The following PEX5L variants were observed in gnomAD, a reference collection of about 807,000 sequenced individuals.
PEX5L encodes the protein peroxisomal biogenesis factor 5 like.
In PEX5L, 30 loss-of-function variants were observed where a neutral mutation model predicts 84.0. The ratio of observed to expected loss-of-function variants is 0.36; its 90% CI spans 0.27 to 0.48. The LOEUF is 0.48. Ranked by LOEUF, PEX5L falls within the 20% of genes least tolerant of loss-of-function variation. The probability of loss-of-function intolerance (pLI) is 0.99; values close to 1 mark genes in which losing one functional copy is unlikely to be tolerated. For synonymous variants in PEX5L, 270 were observed against 283.1 expected, an observed-to-expected ratio of 0.95 and a Z score of 0.46; for missense variants, 533 against 754.6, an observed-to-expected ratio of 0.71 and a Z score of 3.44.
intron 8 of PEX5L, among the ~76,000 whole-genome samples, chr3:179,856,895 C>T (rs1744191589): frequency 6.6e-6 from 1 of 152,150 alleles, no homozygotes. Flanking sequence ...AATCCAAGCC[C>T]CTCAACTTAC....
At chr3:179,944,023 A>C (rs1381598536) in intron 2 of PEX5L, among the ~76,000 whole-genome samples, 1 of 150,998 alleles carries the variant, frequency 6.6e-6, no homozygotes, top group Non-Finnish European at 1.5e-5. Context: ...AAACTGAAAA[A>C]GTTTATAAAC....
chr3:180,012,202 C>G (rs1789551318), intron 1 of PEX5L, among the ~76,000 whole-genome samples: 1 of 152,136 alleles, frequency 6.6e-6, no homozygotes, highest in Non-Finnish European at 1.5e-5. Context: ...AGAAACTACT[C>G]TGAGATGAAC....
rs144074484 is a variant in PEX5L, at chr3:179,956,298, AG to A, written c.93+15295del. The stretch of plus-strand genomic sequence containing the variant: ...ACCTTTGGTTCTTTATCAGTTTAAG[AG>A]TTTTGCATTTTGGAGCCCTAGGAAA... On this transcript the variant is annotated intron_variant, in intron 2 of 14. Transcript: ENST00000467460. 5.6e-3 allele frequency among the ~76,000 whole-genome samples: 859 copies of A among 152,280 alleles called. 7 individuals carry two copies. Among genetic ancestry groups the A allele is most frequent in the African/African-American group, 0.02 (823 of 41,554 alleles).
At chr3:179,923,081 A>G (rs1770153289) in intron 2 of PEX5L, among the ~76,000 whole-genome samples, 1 of 151,964 alleles carries the variant, frequency 6.6e-6, no homozygotes. Context: ...CGAAGTCAGG[A>G]GATCAAGACC....
chr3:179,975,608 T>C (rs895993847), intron 1 of PEX5L, among the ~76,000 whole-genome samples: 7 of 152,224 alleles, frequency 4.6e-5, no homozygotes, highest in Middle Eastern at 3.2e-3. Flanking sequence ...ATAGTAGACA[T>C]GAATTTATTA....
intron 7 of PEX5L, among the ~76,000 whole-genome samples, chr3:179,872,800 A>C (rs1356421457): frequency 1.3e-5 from 2 of 152,226 alleles, no homozygotes; most frequent in African/African-American, 4.8e-5. Context: ...AAACAGTACC[A>C]ATCACTTTAG....
At chr3:180,016,310 TATTA>T (rs1789942636) in intron 1 of PEX5L, among the ~76,000 whole-genome samples, 1 of 152,244 alleles carries the variant, frequency 6.6e-6, no homozygotes, top group South Asian at 2.1e-4. Context: ...GTTAGCCTCC[TATTA>T]ATTGGATGTC....
At chr3:180,031,084 T>C (rs2108363224) in intron 1 of PEX5L, among the ~76,000 whole-genome samples, 1 of 128,238 alleles carries the variant, frequency 7.8e-6, no homozygotes. Flanking sequence ...GATATTTATC[T>C]AATGGATATT....
intron 2 of PEX5L, among the ~76,000 whole-genome samples, chr3:179,962,814 A>G (rs934939924): frequency 6.6e-6 from 1 of 152,208 alleles, no homozygotes; most frequent in Non-Finnish European, 1.5e-5. Flanking sequence ...ACTTTCATAT[A>G]TAACATCATT....
At chr3:179,803,065 T>C (rs1399082246) in intron 14 of PEX5L, among the ~76,000 whole-genome samples, 1 of 152,220 alleles carries the variant, frequency 6.6e-6, no homozygotes, top group Non-Finnish European at 1.5e-5. Flanking sequence ...GCTAATATGT[T>C]ATTTGATTTT....
At chr3:179,897,384 G>C (rs1261617475) in intron 3 of PEX5L, among the ~76,000 whole-genome samples, 1 of 152,106 alleles carries the variant, frequency 6.6e-6, no homozygotes, top group Non-Finnish European at 1.5e-5. Flanking sequence ...GTGGTGATGA[G>C]TACATTATAC....
At chr3:179,998,394 G>A (rs984542030) in intron 1 of PEX5L, among the ~76,000 whole-genome samples, 3 of 152,172 alleles carry the variant, frequency 2.0e-5, no homozygotes, top group Non-Finnish European at 4.4e-5. Context: ...AAGTTGCTCT[G>A]CCACTTGGGC....
At chr3:179,948,826 A>G (rs1778306296) in intron 2 of PEX5L, among the ~76,000 whole-genome samples, 1 of 152,356 alleles carries the variant, frequency 6.6e-6, no homozygotes. Context: ...ATTAATGTTC[A>G]TTGTTAAAAT....
chr3:179,930,999 T>A (rs1483837319), intron 2 of PEX5L, among the ~76,000 whole-genome samples: 1 of 152,188 alleles, frequency 6.6e-6, no homozygotes, highest in Non-Finnish European at 1.5e-5. Flanking sequence ...CAGTAGCCTA[T>A]AAGACAGTAC....
At chr3:179,942,718 C>G (rs573404809) in intron 2 of PEX5L, among the ~76,000 whole-genome samples, 2 of 152,348 alleles carry the variant, frequency 1.3e-5, no homozygotes, top group East Asian at 3.9e-4. Flanking sequence ...ATACTCGACC[C>G]TGCTCCAGCC....
At chr3:179,897,694 C>G (rs557388602) in intron 3 of PEX5L, among the ~76,000 whole-genome samples, 1 of 152,138 alleles carries the variant, frequency 6.6e-6, no homozygotes, top group South Asian at 2.1e-4. Flanking sequence ...ATAGTCACAA[C>G]ATAAATATAT....
chr3:180,008,098 C>T (rs1789093007), intron 1 of PEX5L, among the ~76,000 whole-genome samples: 2 of 152,186 alleles, frequency 1.3e-5, no homozygotes, highest in African/African-American at 2.4e-5. Flanking sequence ...TGCTTGGCTT[C>T]CCTTATAAAA....
intron 11 of PEX5L, among the ~76,000 whole-genome samples, chr3:179,811,246 T>C (rs879361144): frequency 4.8e-4 from 73 of 150,716 alleles, no homozygotes; most frequent in Admixed American, 8.6e-4. Context: ...TGTGTGTGTG[T>C]GCATATGTAT....
At chr3:179,892,742 A>T (rs947094049) in intron 3 of PEX5L, among the ~76,000 whole-genome samples, 21 of 152,156 alleles carry the variant, frequency 1.4e-4, no homozygotes, top group Admixed American at 1.0e-3. Flanking sequence ...AAATGTTTCC[A>T]AATACAAAGC....
Sources: allele counts gnomAD v4.1 joint callset (sites outside exome capture counted in the v4.1 genomes callset), GRCh38; gene constraint gnomAD v4.1.1; transcripts MANE v1.5; gene names NCBI Gene and HGNC (gene_info 2026-07-23, HGNC 2026-07-21).